The following CNBD1 variants were observed in gnomAD, a reference collection of about 807,000 sequenced individuals.
CNBD1 encodes cyclic nucleotide binding domain containing 1, also known as cyclic nucleotide-binding domain-containing protein 1.
In CNBD1, 71 loss-of-function variants were observed where a neutral mutation model predicts 54.4. That is an observed-to-expected ratio of 1.30 (90% confidence interval 1.08 to 1.59). The LOEUF is 1.59. CNBD1 is among the 40% of genes most tolerant of loss of function. CNBD1 has a pLI of 0.00. For synonymous variants in CNBD1, 182 were observed against 170.7 expected (o/e 1.07, Z -0.51); for missense variants, 659 against 518.0 (o/e 1.27, Z -2.64).
chr8:87,294,857 G>A (rs1248401173), intron 8 of CNBD1, among the ~76,000 whole-genome samples: 2 of 151,790 alleles, frequency 1.3e-5, no homozygotes, highest in Non-Finnish European at 1.5e-5. Flanking sequence ...TCATCTAAAG[G>A]TACAAATTCA....
At chr8:87,308,471 A>G (rs879278516) in intron 8 of CNBD1, among the ~76,000 whole-genome samples, 34 of 152,236 alleles carry the variant, frequency 2.2e-4, no homozygotes, top group Non-Finnish European at 4.1e-4. Flanking sequence ...TCATGTTGAT[A>G]TATAATGTAC....
chr8:87,215,692 A>G (rs754718498), intron 5 of CNBD1, among the ~76,000 whole-genome samples: 9 of 152,214 alleles, frequency 5.9e-5, no homozygotes, highest in Non-Finnish European at 1.3e-4. Context: ...ATTCAACGGA[A>G]TTGTACATTT....
chr8:86,888,398 C>G lies in CNBD1; in HGVS notation c.158+787C>G, dbSNP rs1267960767. ...CCTGTGCATTGCTGCCTCCTCCTTGCACCCAGTGCCTTTCGACATGGAGTA... is the reference window on the plus strand; with the variant it reads ...CCTGTGCATTGCTGCCTCCTCCTTGGACCCAGTGCCTTTCGACATGGAGTA... On this transcript the variant is annotated intron_variant, in intron 2 of 10. Coordinates refer to ENST00000518476, the MANE Select transcript of CNBD1 (RefSeq NM_173538.3). 2.0e-5 allele frequency among the ~76,000 whole-genome samples: 3 copies of G among 152,254 alleles called. No individual in the cohort carries two copies. In the East Asian group the frequency reaches 5.8e-4, roughly 29 times the overall value.
chr8:87,392,361 G>T (rs1273649815), intron 2 of CNBD1, among the ~76,000 whole-genome samples: 1 of 151,902 alleles, frequency 6.6e-6, no homozygotes, highest in Non-Finnish European at 1.5e-5. Context: ...ATGAATTAAA[G>T]TTTGTAACAG....
At chr8:87,225,453 T>C (rs1814460704) in intron 5 of CNBD1, among the ~76,000 whole-genome samples, 2 of 151,292 alleles carry the variant, frequency 1.3e-5, no homozygotes, top group East Asian at 3.9e-4. Context: ...GCATGAAGGG[T>C]TGTTGAATTT....
Position 87,233,537 on chromosome 8 carries a change from C to A in CNBD1, c.578-3382C>A, listed in dbSNP as rs576771183. Among the ~76,000 whole-genome samples the A allele has an allele frequency of 4.8e-3, 730 of 152,200 alleles. 6 individuals carry two copies. The highest frequency in any genetic ancestry group is 0.01 in the Middle Eastern group (3 of 294). Reference sequence around the variant, plus strand: ...ATGACTACGTGAACCTTCAGTGAATCCTAATCTTTTTCTAGTGGAGGGTCT... The same window carrying A: ...ATGACTACGTGAACCTTCAGTGAATACTAATCTTTTTCTAGTGGAGGGTCT... On this transcript the variant is annotated intron_variant, in intron 5 of 10. Coordinates refer to ENST00000518476, the MANE Select transcript of CNBD1 (RefSeq NM_173538.3).
downstream of CNBD1, among the ~76,000 whole-genome samples, chr8:87,384,751 C>G (rs78619142): frequency 0.019 from 2,872 of 152,104 alleles, 93 homozygotes; most frequent in African/African-American, 0.063. Flanking sequence ...CATTATACCT[C>G]AGACCTGAAG....
chr8:87,075,499 C>A (rs1470374874), intron 4 of CNBD1, among the ~76,000 whole-genome samples: 1 of 152,174 alleles, frequency 6.6e-6, no homozygotes, highest in Non-Finnish European at 1.5e-5. Flanking sequence ...ATGCTGGAGT[C>A]CTCATTCATC....
chr8:87,359,468 T>G (rs764826552), intron 10 of CNBD1, among the ~76,000 whole-genome samples: 2 of 152,150 alleles, frequency 1.3e-5, no homozygotes, highest in Non-Finnish European at 2.9e-5. Flanking sequence ...AGAAAGCATT[T>G]TATTTCTACA....
intron 4 of CNBD1, among the ~76,000 whole-genome samples, chr8:87,152,983 A>G (rs1408946284): frequency 6.6e-6 from 1 of 152,154 alleles, no homozygotes; most frequent in Non-Finnish European, 1.5e-5. Context: ...AAATAATTAT[A>G]TTAGTATGAT....
At chr8:86,866,616 C>G in intron 1 of CNBD1, 33 bp downstream of exon 1, 1 of 1,511,350 alleles carries the variant, frequency 6.6e-7, no homozygotes, top group African/African-American at 1.4e-5. Context: ...CTCTTATTCA[C>G]CTACCATTGT....
intron 4 of CNBD1, among the ~76,000 whole-genome samples, chr8:87,035,534 A>G (rs1809909429): frequency 6.6e-6 from 1 of 152,228 alleles, no homozygotes; most frequent in Admixed American, 6.5e-5. Flanking sequence ...ACGGTAGTAC[A>G]AGGTTCAAAG....
intron 2 of CNBD1, chr8:87,428,432 A>T (rs996509807): frequency 3.3e-6 from 1 of 305,230 alleles, no homozygotes; most frequent in Non-Finnish European, 6.5e-6. Flanking sequence ...ATTAGGGAAA[A>T]TTTAATTTTG....
chr8:87,359,170 A>T (rs1302395391), intron 10 of CNBD1, among the ~76,000 whole-genome samples: 2 of 152,186 alleles, frequency 1.3e-5, no homozygotes, highest in African/African-American at 2.4e-5. Flanking sequence ...GCAGCCTAAC[A>T]TTCAAATACT....
At chr8:87,395,883 T>A (rs893142790) in intron 2 of CNBD1, among the ~76,000 whole-genome samples, 3 of 151,900 alleles carry the variant, frequency 2.0e-5, no homozygotes, top group Non-Finnish European at 2.9e-5. Flanking sequence ...GATCTGATCA[T>A]TTTATAAGGG....
intron 3 of CNBD1, among the ~76,000 whole-genome samples, chr8:86,927,314 G>C (rs180893524): frequency 1.3e-5 from 2 of 152,152 alleles, no homozygotes; most frequent in Non-Finnish European, 2.9e-5. Flanking sequence ...ATTCATTAGT[G>C]GGGGAGGCGC....
At position 87,119,828 on chromosome 8, in the gene CNBD1, A is replaced by G. The variant is rs1358491386; in HGVS notation, c.432-86165A>G. Among the ~76,000 whole-genome samples, 6 of 151,992 alleles carry G rather than the reference A, an allele frequency of 3.9e-5. No homozygotes were observed. In the South Asian group the frequency reaches 1.0e-3, roughly 26 times the overall value. On this transcript the variant is annotated intron_variant, in intron 4 of 10. Coordinates refer to ENST00000518476, the MANE Select transcript of CNBD1 (RefSeq NM_173538.3). ...TTTTTCAAATGCTTTTTCTTTATCT[A>G]TTGAGATCATCATATGGTTTTTGTC...
At chr8:87,161,395 C>A (rs1812854955) in intron 4 of CNBD1, among the ~76,000 whole-genome samples, 1 of 152,020 alleles carries the variant, frequency 6.6e-6, no homozygotes, top group East Asian at 1.9e-4. Flanking sequence ...GATAGTTCTA[C>A]CACAAAAATT....
At chr8:87,270,976 T>C (rs893829226) in intron 6 of CNBD1, among the ~76,000 whole-genome samples, 23 of 151,784 alleles carry the variant, frequency 1.5e-4, no homozygotes, top group African/African-American at 4.6e-4. Flanking sequence ...TGAGATTTTC[T>C]ATTTCTTCAT....
Sources: gnomAD v4.1 joint callset for allele counts (sites outside exome capture counted in the v4.1 genomes callset) on GRCh38, gnomAD v4.1.1 for gene constraint, MANE v1.5 for transcripts, NCBI Gene and HGNC (gene_info 2026-07-23, HGNC 2026-07-21) for gene names.